MAP2: variants seen among roughly 807,000 people sequenced by gnomAD.
MAP2 encodes the protein microtubule-associated protein 2.
Under a neutral mutation model 137.6 loss-of-function variants are expected in MAP2, and 14 were observed. The ratio of observed to expected loss-of-function variants is 0.10; its 90% CI spans 0.07 to 0.16. The LOEUF is 0.16. Among genes scored for constraint, MAP2 ranks in the 10% least tolerant of loss-of-function variants. The pLI is 1.00. For missense variants in MAP2, 2,088 were observed against 2,191.5 expected, an observed-to-expected ratio of 0.95 and a Z score of 0.94; for synonymous variants, 786 against 782.3, an observed-to-expected ratio of 1.00 and a Z score of -0.08.
At chr2:209,433,537 C>G (rs1373367969) in intron 1 of MAP2, among the ~76,000 whole-genome samples, 1 of 152,050 alleles carries the variant, frequency 6.6e-6, no homozygotes, top group Admixed American at 6.6e-5. Context: ...ACTTGCACTG[C>G]ACTGTAATTT....
intron 1 of MAP2, among the ~76,000 whole-genome samples, chr2:209,490,843 A>G (rs1576145254): frequency 6.6e-6 from 1 of 152,054 alleles, no homozygotes; most frequent in African/African-American, 2.4e-5. Flanking sequence ...CTCCCACACA[A>G]TAATAGTGGG....
At chr2:209,563,473 C>T (rs79655400) in intron 2 of MAP2, among the ~76,000 whole-genome samples, 2,998 of 152,230 alleles carry the variant, frequency 0.02, 97 homozygotes, top group African/African-American at 0.068. Flanking sequence ...TAGAGATCCA[C>T]GAGAACAACC....
chr2:209,715,560 G>A lies in MAP2; in HGVS notation c.5073+5306G>A, dbSNP rs184493170. 5.7e-3 allele frequency among the ~76,000 whole-genome samples: 867 copies of A among 152,162 alleles called. 15 individuals carry two copies. Among genetic ancestry groups the A allele is most frequent in the African/African-American group, 0.02 (814 of 41,540 alleles). ...TATGTAAAAAAGTGCTAAGTATGGA[G>A]AAAAATAAAGATAAGAAAGAGGCTC... On this transcript the variant is annotated intron_variant, in intron 13 of 15. Coordinates refer to ENST00000682079, the MANE Select transcript of MAP2 (RefSeq NM_001375505.1).
chr2:209,721,501 A>C (rs1393761880), intron 13 of MAP2, among the ~76,000 whole-genome samples: 1 of 152,200 alleles, frequency 6.6e-6, no homozygotes, highest in East Asian at 1.9e-4. Context: ...TTTCTAGAAA[A>C]TCTGGGTAAA....
chr2:209,632,096 T>C (rs2093120355), intron 4 of MAP2, among the ~76,000 whole-genome samples: 1 of 152,150 alleles, frequency 6.6e-6, no homozygotes, highest in East Asian at 1.9e-4. Context: ...TAGAATGAAT[T>C]AGACAGTAGA....
At chr2:209,565,768 T>A (rs2073269781) in intron 2 of MAP2, among the ~76,000 whole-genome samples, 1 of 152,206 alleles carries the variant, frequency 6.6e-6, no homozygotes, top group Non-Finnish European at 1.5e-5. Context: ...GTACAAAACA[T>A]CTGTCCTGTG....
At chr2:209,660,773 G>A (rs1305268736) in intron 5 of MAP2, among the ~76,000 whole-genome samples, 2 of 143,348 alleles carry the variant, frequency 1.4e-5, no homozygotes, top group Non-Finnish European at 3.0e-5. Context: ...TCGCTCTGTC[G>A]CCCAGGCTGG....
intron 3 of MAP2, among the ~76,000 whole-genome samples, chr2:209,593,891 T>C (rs1407134062): frequency 2.8e-5 from 1 of 35,914 alleles, no homozygotes; most frequent in African/African-American, 7.4e-5. Flanking sequence ...ATATTTATAT[T>C]ATTAAAATAT....
chr2:209,568,978 CACTT>C, intron 2 of MAP2, among the ~76,000 whole-genome samples: 1 of 151,882 alleles, frequency 6.6e-6, no homozygotes, highest in Admixed American at 6.6e-5. Context: ...TTTGTCTTAA[CACTT>C]AGGTTATATG....
intron 2 of MAP2, among the ~76,000 whole-genome samples, chr2:209,563,393 A>G (rs550563138): frequency 2.0e-5 from 3 of 147,710 alleles, no homozygotes; most frequent in East Asian, 1.9e-4. Context: ...GCACCAACCT[A>G]TACAAATTGA....
Position 209,627,774 on chromosome 2 carries a change from G to A in MAP2, c.-30+2645G>A, listed in dbSNP as rs113554353. Among the ~76,000 whole-genome samples the A allele has an allele frequency of 1.9e-3, 296 of 152,162 alleles. 3 individuals carry two copies. The highest frequency in any genetic ancestry group is 6.7e-3 in the African/African-American group (277 of 41,538). On this transcript the variant is annotated intron_variant, in intron 4 of 15. Coordinates refer to ENST00000682079, the MANE Select transcript of MAP2 (RefSeq NM_001375505.1). Reference sequence around the variant, plus strand: ...TGAGAAACAGTCTATTGAAAACCACGAAGATTAATTTAGTGATACCACTAA... The same window carrying A: ...TGAGAAACAGTCTATTGAAAACCACAAAGATTAATTTAGTGATACCACTAA...
intron 1 of MAP2, among the ~76,000 whole-genome samples, chr2:209,476,963 T>C (rs1369792303): frequency 1.3e-5 from 2 of 152,194 alleles, no homozygotes; most frequent in South Asian, 2.1e-4. Flanking sequence ...ATCACAAAGA[T>C]TGGCTGAGCT....
intron 1 of MAP2, among the ~76,000 whole-genome samples, chr2:209,451,321 C>T (rs550500654): frequency 3.9e-5 from 6 of 152,162 alleles, no homozygotes; most frequent in Non-Finnish European, 8.8e-5. Flanking sequence ...CTCTGGCTTC[C>T]TGTTGGATTC....
intron 4 of MAP2, among the ~76,000 whole-genome samples, chr2:209,633,570 T>C (rs1042401872): frequency 1.3e-5 from 2 of 152,274 alleles, no homozygotes; most frequent in African/African-American, 4.8e-5. Flanking sequence ...AGAAATAAAC[T>C]GTAGCCTTGA....
intron 5 of MAP2, 141 bp downstream of exon 5, chr2:209,653,573 A>T: frequency 1.2e-6 from 1 of 825,448 alleles, no homozygotes; most frequent in East Asian, 2.8e-5. Flanking sequence ...GAAATAAAAG[A>T]AGAGAAAAAT....
intron 2 of MAP2, among the ~76,000 whole-genome samples, chr2:209,519,383 A>G (rs1169425896): frequency 6.6e-6 from 1 of 152,056 alleles, no homozygotes; most frequent in Non-Finnish European, 1.5e-5. Context: ...CTGAGGAGAA[A>G]CAAATTTCTC....
At chr2:209,458,614 T>C (rs1173868746) in intron 1 of MAP2, among the ~76,000 whole-genome samples, 1 of 151,756 alleles carries the variant, frequency 6.6e-6, no homozygotes, top group Non-Finnish European at 1.5e-5. Context: ...CAACTGGGAG[T>C]TTAGGGAAAG....
At chr2:209,551,592 T>G (rs1217330908) in intron 2 of MAP2, among the ~76,000 whole-genome samples, 2 of 152,194 alleles carry the variant, frequency 1.3e-5, no homozygotes, top group African/African-American at 4.8e-5. Flanking sequence ...ATAATGCTAT[T>G]TATTTTCAGG....
intron 2 of MAP2, among the ~76,000 whole-genome samples, chr2:209,525,995 T>G (rs1459492143): frequency 2.6e-5 from 4 of 152,132 alleles, no homozygotes; most frequent in Non-Finnish European, 5.9e-5. Context: ...TTTTTCTGGG[T>G]AGAAGAATTT....
Sources: allele counts gnomAD v4.1 joint callset (sites outside exome capture counted in the v4.1 genomes callset), GRCh38; gene constraint gnomAD v4.1.1; transcripts MANE v1.5; gene names NCBI Gene and HGNC (gene_info 2026-07-23, HGNC 2026-07-21).